The following NF1 variants were observed in gnomAD, a reference collection of about 807,000 sequenced individuals.
NF1 encodes neurofibromin 1.
In NF1, 122 loss-of-function variants were observed where a neutral mutation model predicts 325.7. The ratio of observed to expected loss-of-function variants is 0.37; its 90% CI spans 0.32 to 0.44. The LOEUF (loss-of-function observed/expected upper bound fraction) is 0.44, where lower values mean the gene tolerates loss of function less well. Among genes scored for constraint, NF1 ranks in the 20% least tolerant of loss-of-function variants. NF1 has a pLI of 1.00. For missense variants in NF1, 2,140 were observed against 3,415.4 expected, an observed-to-expected ratio of 0.63 and a Z score of 9.31; for synonymous variants, 1,091 against 1,186.0, an observed-to-expected ratio of 0.92 and a Z score of 1.65.
intron 4 of NF1, among the ~76,000 whole-genome samples, chr17:31,166,607 C>G (rs2065849193): frequency 6.6e-6 from 1 of 152,068 alleles, no homozygotes; most frequent in African/African-American, 2.4e-5. Context: ...GTAAACAGCT[C>G]TAGGTGACTT....
intron 49 of NF1, 104 bp from the exon 50 acceptor site, chr17:31,350,079 T>G: frequency 8.4e-7 from 1 of 1,196,764 alleles, no homozygotes; most frequent in Non-Finnish European, 1.2e-6. Context: ...ATGTGCACAT[T>G]TAACAGGTAC....
chr17:31,201,879 A>G (rs1344128113), intron 11 of NF1, among the ~76,000 whole-genome samples: 1 of 152,208 alleles, frequency 6.6e-6, no homozygotes, highest in Non-Finnish European at 1.5e-5. Flanking sequence ...GTTAAAAGTA[A>G]TAGTATTTAT....
intron 36 of NF1, among the ~76,000 whole-genome samples, chr17:31,302,169 C>A (rs2068588370): frequency 6.6e-6 from 1 of 152,048 alleles, no homozygotes; most frequent in South Asian, 2.1e-4. Flanking sequence ...ACATAAAAAC[C>A]CGGCTGCTGC....
At chr17:31,244,621 A>G (rs1467591238) in intron 29 of NF1, among the ~76,000 whole-genome samples, 1 of 152,016 alleles carries the variant, frequency 6.6e-6, no homozygotes, top group African/African-American at 2.4e-5. Context: ...AAAGTCCCAT[A>G]ATCACTGTGC....
chr17:31,099,609 G>T (rs1421175863), intron 1 of NF1, among the ~76,000 whole-genome samples: 1 of 149,880 alleles, frequency 6.7e-6, no homozygotes, highest in Non-Finnish European at 1.5e-5. Context: ...TCCTAGGCTG[G>T]AGTGCAATGG....
chr17:31,366,337 T>G (rs955247242), intron 57 of NF1, among the ~76,000 whole-genome samples: 2 of 152,242 alleles, frequency 1.3e-5, no homozygotes, highest in East Asian at 3.8e-4. Flanking sequence ...AAAGACATAC[T>G]TAGTTCATCG....
At chr17:31,124,334 G>C (rs1002366123) in intron 1 of NF1, among the ~76,000 whole-genome samples, 2 of 151,522 alleles carry the variant, frequency 1.3e-5, no homozygotes, top group Non-Finnish European at 2.9e-5. Context: ...CAAAGTGCTG[G>C]GATTATAAGT....
At position 31,335,296 on chromosome 17, in the gene NF1, A is replaced by AT. The variant is rs1440930498; in HGVS notation, c.6006+265_6006+266insT. Among the ~76,000 whole-genome samples, 29 of 49,962 alleles carry AT rather than the reference A, an allele frequency of 5.8e-4. 1 individual carries two copies. The highest frequency in any genetic ancestry group is 1.5e-3 in the East Asian group (1 of 676). 32.8% of individuals were successfully genotyped at this position (49,962 alleles called of 152,430 possible). A position where few individuals can be genotyped will look rare whatever the true frequency, so the allele number is the denominator to read the frequency against. ...TAATTATATATATATATATATATATAATTATGCCTTGAAGGAGACTGTGCA... is the reference window on the plus strand; with the variant it reads ...TAATTATATATATATATATATATATATATTATGCCTTGAAGGAGACTGTGCA... On this transcript the variant is annotated intron_variant, in intron 40 of 57. Transcript: ENST00000358273.
At chr17:31,141,189 A>G (rs1344469325) in intron 1 of NF1, among the ~76,000 whole-genome samples, 3 of 152,174 alleles carry the variant, frequency 2.0e-5, no homozygotes, top group Non-Finnish European at 4.4e-5. Flanking sequence ...TCAGCTTATA[A>G]ATCTCATATA....
At chr17:31,230,754 G>A in intron 23 of NF1, 88 bp from the exon 24 acceptor site, 3 of 1,001,978 alleles carry the variant, frequency 3.0e-6, no homozygotes, top group Non-Finnish European at 3.1e-6. Context: ...CAAATTATTT[G>A]CACTATAAGA....
In NF1 at chr17:31,265,216, AT is replaced by A; in HGVS notation, c.4725-8del. 1 of 1,577,240 alleles carries A rather than the reference AT, an allele frequency of 6.3e-7. No homozygotes were observed. The highest frequency in any genetic ancestry group is 8.7e-7 in the Non-Finnish European group (1 of 1,147,168). ...CATAAAGCCTCATAATTACTCTGTT[AT>A]TTTTCTTTTAGGCATCAGGTACATG... On this transcript the variant is annotated splice_polypyrimidine_tract_variant and intron_variant, in intron 35 of 57. Transcript: ENST00000358273.
intron 36 of NF1, among the ~76,000 whole-genome samples, chr17:31,274,007 T>C (rs1484612118): frequency 1.3e-5 from 2 of 152,210 alleles, no homozygotes; most frequent in Admixed American, 1.3e-4. Context: ...CATATGTTTA[T>C]AGGGCAGTTT....
Position 31,225,261 on chromosome 17 carries a change from T to C in NF1, c.2001+11T>C, listed in dbSNP as rs2144028217. On this transcript the variant is annotated intron_variant, in intron 17 of 57. Coordinates refer to ENST00000358273, the MANE Select transcript of NF1 (RefSeq NM_001042492.3). ...GGGAACTCCTCTATGGTCAGCTTCT[T>C]CTGTACTTTTTCTGTATCATTTTAT... The C allele has an allele frequency of 6.8e-6, 11 of 1,613,100 alleles. No homozygotes were observed. The highest frequency in any genetic ancestry group is 8.5e-6 in the Non-Finnish European group (10 of 1,179,266).
At chr17:31,285,904 A>G (rs930178926) in intron 36 of NF1, among the ~76,000 whole-genome samples, 1 of 152,194 alleles carries the variant, frequency 6.6e-6, no homozygotes, top group African/African-American at 2.4e-5. Flanking sequence ...TAACGATGGT[A>G]TCATTGGAGT....
Position 31,261,797 on chromosome 17 carries a change from C to G in NF1, c.4664C>G (p.Ala1555Gly), listed in dbSNP as rs2151466391. 1 of 1,612,734 alleles carries G rather than the reference C, an allele frequency of 6.2e-7. No individual in the cohort carries two copies. The highest frequency in any genetic ancestry group is 8.5e-7 in the Non-Finnish European group (1 of 1,179,944). Residue 1555 changes from alanine (A) to glycine (G), a missense_variant, in exon 35 of 58, where the codon GCA (alanine) becomes GGA (glycine). Physicochemically the swap from Ala to Gly is moderately conservative, Grantham distance 60 (BLOSUM62 0). Around this residue, in one of 10 missense-constraint regions of NF1, gnomAD observed 103 missense variants for 214.6 expected, o/e 0.48. Transcript: ENST00000358273. Reference protein sequence around the residue: ...YLGPPEHKPVADTHWSSLNLT... With the variant: ...YLGPPEHKPVGDTHWSSLNLT... ...GGTCCTCCAGAGCACAAACCTGTGG[C>G]AGATACACACTGGTCCAGCCTTAAC...
intron 36 of NF1, among the ~76,000 whole-genome samples, chr17:31,277,741 A>G (rs1279328704): frequency 1.3e-5 from 2 of 152,160 alleles, no homozygotes; most frequent in South Asian, 2.1e-4. Context: ...CCATCCATGC[A>G]GTATGGTTTT....
At chr17:31,208,783 C>G (rs1276705089) in intron 12 of NF1, among the ~76,000 whole-genome samples, 1 of 151,940 alleles carries the variant, frequency 6.6e-6, no homozygotes, top group East Asian at 1.9e-4. Flanking sequence ...TCCAGCTACT[C>G]AGGAGGCTGA....
Position 31,232,610 on chromosome 17 carries a change from C to T in NF1, c.3315-90C>T, listed in dbSNP as rs1256360498. 66 of 1,245,888 alleles carry T rather than the reference C, an allele frequency of 5.3e-5. No homozygotes were observed. In the Admixed American group the frequency reaches 5.6e-4, roughly 11 times the overall value. 77.2% of individuals were successfully genotyped at this position (1,245,888 alleles called of 1,614,324 possible). On this transcript the variant is annotated intron_variant, in intron 25 of 57. Coordinates refer to ENST00000358273, the MANE Select transcript of NF1 (RefSeq NM_001042492.3). ...AACAGTTAACCCAGGGCCATTCACA[C>T]CATGCACATATGATTGTTTTGGAAT... is the stretch of plus-strand genomic sequence containing the variant.
rs540096645 is a variant in NF1 at position 31,370,706 on chromosome 17, C to A, written c.8378-3307C>A. Among the ~76,000 whole-genome samples, 20 of 152,268 alleles carry A rather than the reference C, an allele frequency of 1.3e-4. 1 individual carries two copies. In the South Asian group the frequency reaches 3.7e-3, roughly 28 times the overall value. On this transcript the variant is annotated intron_variant, in intron 57 of 57. Transcript: ENST00000358273. The stretch of plus-strand genomic sequence containing the variant: ...ACCCATGTCATGACTGTTTTCCCCT[C>A]AGAGTAGGCCATGGTCTAGTAGTAG...
Sources: allele counts gnomAD v4.1 joint callset (sites outside exome capture counted in the v4.1 genomes callset), GRCh38; gene constraint gnomAD v4.1.1; regional missense constraint gnomAD v4.1.1; transcripts MANE v1.5; gene names NCBI Gene and HGNC (gene_info 2026-07-23, HGNC 2026-07-21).